ASB7: variants seen among roughly 807,000 people sequenced by gnomAD.
ASB7 encodes ankyrin repeat and SOCS box protein 7.
In ASB7, 4 loss-of-function variants were observed where a neutral mutation model predicts 32.5. That is an observed-to-expected ratio of 0.12 (90% CI 0.06 to 0.28). The LOEUF is 0.28. ASB7 is among the 10% of genes least tolerant of loss of function. ASB7 has a pLI of 1.00. For synonymous variants in ASB7, 172 were observed against 155.6 expected, an observed-to-expected ratio of 1.11 and a Z score of -0.78; for missense variants, 181 against 407.1, an observed-to-expected ratio of 0.44 and a Z score of 4.78.
chr15:100,646,119 G>A, intron 5 of ASB7: 1 of 400,004 alleles, frequency 2.5e-6, no homozygotes, highest in Non-Finnish European at 4.9e-6. Context: ...AGCAGCATAG[G>A]GTTTTCACTT....
At chr15:100,618,550 TCA>T (rs2039763994) in intron 4 of ASB7, among the ~76,000 whole-genome samples, 1 of 152,164 alleles carries the variant, frequency 6.6e-6, no homozygotes, top group East Asian at 1.9e-4. Context: ...GTGGACTAAC[TCA>T]TAAGAAACAA....
rs1405724163 is a variant in ASB7, at chr15:100,648,560, T to C, written c.*98T>C. ...ATATCCTATGCAATTTCTGATTTGC[T>C]GTGAAATCAGAAAGCAGGTATACAC... On this transcript the variant is annotated 3_prime_UTR_variant, in exon 6 of 6. Transcript: ENST00000332783. The C allele has an allele frequency of 2.8e-6, 3 of 1,055,870 alleles. No homozygotes were observed. The highest frequency in any genetic ancestry group is 6.4e-5 in the Admixed American group (2 of 31,262). The allele number at this position is 1,055,870 out of a possible 1,614,324, so 65.4% of individuals were successfully genotyped here.
In ASB7 at chr15:100,603,063, C is replaced by T; in HGVS notation, c.-273+17C>T. On this transcript the variant is annotated intron_variant, in intron 1 of 5. Coordinates refer to ENST00000332783, the MANE Select transcript of ASB7 (RefSeq NM_198243.3). The stretch of plus-strand genomic sequence containing the variant: ...AGGAGACAGGTAAAGTCCTTTACTT[C>T]CCCCGAGGGGAAGAGTGCTGGCTGG... 2 of 399,200 alleles carry T rather than the reference C, an allele frequency of 5.0e-6. No homozygotes were observed. The highest frequency in any genetic ancestry group is 3.6e-5 in the East Asian group (1 of 28,074). The allele number at this position is 399,200 out of a possible 1,614,324, so 24.7% of individuals were successfully genotyped here. A position where few individuals can be genotyped will look rare whatever the true frequency, so the allele number is the denominator to read the frequency against.
Position 100,651,290 on chromosome 15 carries a change from T to C in ASB7, c.*2828T>C, listed in dbSNP as rs2040030467. 6.6e-6 allele frequency: 1 copy of C among 152,198 alleles called. No individual in the cohort carries two copies. The highest frequency in any genetic ancestry group is 1.5e-5 in the Non-Finnish European group (1 of 68,030). 9.4% of individuals were successfully genotyped at this position (152,198 alleles called of 1,614,324 possible). A position where few individuals can be genotyped will look rare whatever the true frequency, so the allele number is the denominator to read the frequency against. ...TTAATTCCCATATTTCTAAACTATT[T>C]ACTACACAGTAATCCATGCCTGTTA... On this transcript the variant is annotated 3_prime_UTR_variant, in exon 6 of 6. Coordinates refer to ENST00000332783, the MANE Select transcript of ASB7 (RefSeq NM_198243.3).
rs1293926061 is a variant in ASB7 at position 100,649,252 on chromosome 15, G to A, written c.*790G>A. 1 of 152,230 alleles carries A rather than the reference G, an allele frequency of 6.6e-6. No homozygotes were observed. Among genetic ancestry groups the A allele is most frequent in the Non-Finnish European group, 1.5e-5 (1 of 68,030 alleles). The allele number at this position is 152,230 out of a possible 1,614,324, so 9.4% of individuals were successfully genotyped here. A position where few individuals can be genotyped will look rare whatever the true frequency, so the allele number is the denominator to read the frequency against. On this transcript the variant is annotated 3_prime_UTR_variant, in exon 6 of 6. Coordinates refer to ENST00000332783, the MANE Select transcript of ASB7 (RefSeq NM_198243.3). ...GTGCCTGCAGTGCAATACTCCTTCT[G>A]GTGTATTTTATCCATTATTTCACTT...
chr15:100,645,221 A>G (rs2039989438), intron 5 of ASB7, among the ~76,000 whole-genome samples: 2 of 152,188 alleles, frequency 1.3e-5, no homozygotes, highest in South Asian at 2.1e-4. Context: ...TGCAAGCCAC[A>G]GTTTCTGTTT....
chr15:100,629,778 C>G lies in ASB7; in HGVS notation c.553C>G (p.Arg185Gly). The G allele has an allele frequency of 6.2e-7, 1 of 1,614,196 alleles. No individual in the cohort carries two copies. The highest frequency in any genetic ancestry group is 8.5e-7 in the Non-Finnish European group (1 of 1,180,024). The part of the protein sequence containing the change: ...NIDIQNGFLL[R>G]YAVIKSNHSY... ...CGACATTCAGAATGGTTTCCTGTTGCGATACGCCGTGATCAAAAGCAATCA... is the reference window on the plus strand; with the variant it reads ...CGACATTCAGAATGGTTTCCTGTTGGGATACGCCGTGATCAAAAGCAATCA... Residue 185 changes from arginine to glycine, a missense_variant, in exon 5 of 6, where the codon CGA becomes GGA. By Grantham distance (125) the Arg-to-Gly change is moderately radical. Transcript: ENST00000332783. The surrounding 1 kb of genome is among the most constrained non-coding windows in gnomAD (Gnocchi z 6.8).
intron 4 of ASB7, among the ~76,000 whole-genome samples, chr15:100,616,546 TA>T (rs1437779350): frequency 6.6e-6 from 1 of 152,250 alleles, no homozygotes; most frequent in Non-Finnish European, 1.5e-5. Context: ...TTTTTTCCCA[TA>T]AAGACAGCCT....
At chr15:100,624,114 G>A (rs968325202) in intron 4 of ASB7, among the ~76,000 whole-genome samples, 1 of 152,178 alleles carries the variant, frequency 6.6e-6, no homozygotes, top group Admixed American at 6.5e-5. Context: ...TTGGCCTCTC[G>A]ATAGTAGAGA....
At chr15:100,644,792 G>A (rs1425830765) in intron 5 of ASB7, among the ~76,000 whole-genome samples, 1 of 151,594 alleles carries the variant, frequency 6.6e-6, no homozygotes, top group African/African-American at 2.4e-5. Context: ...AGATCTGAAA[G>A]GTGGAGGAGA....
chr15:100,626,539 C>G (rs1360272393), intron 4 of ASB7, among the ~76,000 whole-genome samples: 1 of 152,122 alleles, frequency 6.6e-6, no homozygotes, highest in Admixed American at 6.5e-5. Flanking sequence ...AGGAAAGTTT[C>G]ATGTGCATTT....
intron 5 of ASB7, among the ~76,000 whole-genome samples, chr15:100,636,981 A>G (rs2141404187): frequency 6.6e-6 from 1 of 152,352 alleles, no homozygotes; most frequent in East Asian, 1.9e-4. Context: ...CCCAGCCGGT[A>G]CTGGTCGTTG....
intron 3 of ASB7, among the ~76,000 whole-genome samples, chr15:100,610,083 A>G (rs982536979): frequency 2.6e-5 from 4 of 152,222 alleles, no homozygotes; most frequent in Non-Finnish European, 4.4e-5. Flanking sequence ...ATTCCTTCAG[A>G]CGGTCTTCAG....
At chr15:100,636,474 G>A (rs1473732585) in intron 5 of ASB7, among the ~76,000 whole-genome samples, 1 of 152,208 alleles carries the variant, frequency 6.6e-6, no homozygotes, top group Non-Finnish European at 1.5e-5. Context: ...TCATCCCAAA[G>A]ATCCCCCAAC....
chr15:100,638,030 T>TA, intron 5 of ASB7, among the ~76,000 whole-genome samples: 1 of 152,192 alleles, frequency 6.6e-6, no homozygotes, highest in Non-Finnish European at 1.5e-5. Context: ...TTGGATAGTT[T>TA]AAAAATTTCT....
chr15:100,628,043 T>G (rs1359590457), intron 4 of ASB7, among the ~76,000 whole-genome samples: 2 of 152,254 alleles, frequency 1.3e-5, no homozygotes, highest in Non-Finnish European at 2.9e-5. Flanking sequence ...ATTTAAGTCC[T>G]GTGGTAAACA....
At chr15:100,633,210 A>T (rs1180636362) in intron 5 of ASB7, among the ~76,000 whole-genome samples, 2 of 130,470 alleles carry the variant, frequency 1.5e-5, no homozygotes, top group Non-Finnish European at 3.2e-5. Flanking sequence ...ACTTGTAGCC[A>T]AAAAAAAAAA....
Position 100,646,540 on chromosome 15 carries a change from T to C in ASB7, c.818-1783T>C, listed in dbSNP as rs1015180522. 3 of 410,654 alleles carry C rather than the reference T, an allele frequency of 7.3e-6. No homozygotes were observed. In the East Asian group the frequency reaches 1.8e-4, roughly 25 times the overall value. 25.4% of individuals were successfully genotyped at this position (410,654 alleles called of 1,614,324 possible). A position where few individuals can be genotyped will look rare whatever the true frequency, so the allele number is the denominator to read the frequency against. On this transcript the variant is annotated intron_variant, in intron 5 of 5. Transcript: ENST00000332783. ...GAACTCATTTCTGCCCTTTAGTAAT[T>C]AATTGATGATGTTACTAAGGTCAAC...
At chr15:100,610,435 C>G (rs1354713808) in intron 3 of ASB7, among the ~76,000 whole-genome samples, 1 of 150,908 alleles carries the variant, frequency 6.6e-6, no homozygotes, top group Non-Finnish European at 1.5e-5. Context: ...GTGGAGGTTG[C>G]AGTGAGCTCA....
Sources: allele counts gnomAD v4.1 joint callset (sites outside exome capture counted in the v4.1 genomes callset), GRCh38; gene constraint gnomAD v4.1.1; non-coding constraint Gnocchi (gnomAD v3.1); transcripts MANE v1.5; gene names NCBI Gene and HGNC (gene_info 2026-07-23, HGNC 2026-07-21).